Variants in LARP4 observed in about 807,000 individuals in gnomAD.
The protein encoded by LARP4 is La ribonucleoprotein 4, also known as la-related protein 4.
In LARP4, 29 loss-of-function variants were observed where a neutral mutation model predicts 92.9. The ratio of observed to expected loss-of-function variants is 0.31; its 90% CI spans 0.23 to 0.43. The LOEUF (loss-of-function observed/expected upper bound fraction) is 0.43, where lower values mean the gene tolerates loss of function less well. Ranked by LOEUF, LARP4 falls within the 20% of genes least tolerant of loss-of-function variation. The pLI is 1.00. For missense variants in LARP4, 732 were observed against 860.0 expected, an observed-to-expected ratio of 0.85 and a Z score of 1.86; for synonymous variants, 279 against 284.1, an observed-to-expected ratio of 0.98 and a Z score of 0.18.
Position 50,440,495 on chromosome 12 carries a change from T to G in LARP4, c.696T>G (p.Phe232Leu), listed in dbSNP as rs994204824. The G allele has an allele frequency of 2.5e-6, 4 of 1,614,060 alleles. No individual in the cohort carries two copies. Among genetic ancestry groups the G allele is most frequent in the Middle Eastern group, 1.6e-4 (1 of 6,062 alleles). The change falls in exon 7 of 16, where the codon TTT (phenylalanine) becomes TTG (leucine). Residue 232 changes from phenylalanine (F) to leucine (L), a missense_variant. Around this residue, in one of 7 missense-constraint regions of LARP4, gnomAD observed 236 missense variants for 307.6 expected, o/e 0.77. Coordinates refer to ENST00000398473, the MANE Select transcript of LARP4 (RefSeq NM_052879.5). Reference protein sequence around the residue: ...ENCPKVISCEFAHNSNWYITF... With the variant: ...ENCPKVISCELAHNSNWYITF... ...GCCCCAAAGTGATAAGCTGTGAGTT[T>G]GCACACAATAGCAACTGGTATATCA...
chr12:50,413,856 TAC>T (rs1946327027), intron 1 of LARP4, among the ~76,000 whole-genome samples: 1 of 152,366 alleles, frequency 6.6e-6, no homozygotes, highest in African/African-American at 2.4e-5. Flanking sequence ...CTCAGATTTT[TAC>T]AGTTTTCCCT....
chr12:50,440,121 A>G (rs755337087), intron 6 of LARP4, among the ~76,000 whole-genome samples: 2 of 152,222 alleles, frequency 1.3e-5, no homozygotes, highest in African/African-American at 2.4e-5. Flanking sequence ...TGTAAAATAA[A>G]TCATCCCAAA....
chr12:50,412,431 T>A, intron 1 of LARP4: 1 of 975,306 alleles, frequency 1.0e-6, no homozygotes, highest in Non-Finnish European at 1.2e-6. Context: ...TGGCATGGGA[T>A]TTCTGTTTCT....
Position 50,453,599 on chromosome 12 carries a change from A to G in LARP4, c.944A>G (p.Gln315Arg), listed in dbSNP as rs762110345. ...ATGCAGCCTGTATATAATCCTCACC[A>G]ACAGTACTCGGTCTATAGTATTGTG... ...VFMQPVYNPH[Q>R]QYSVYSIVPQ... The change falls in exon 9 of 16, where the codon CAA (glutamine) becomes CGA (arginine). Residue 315 changes from glutamine to arginine, a missense_variant. By Grantham distance (43) the Gln-to-Arg change is conservative. Transcript: ENST00000398473. The G allele has an allele frequency of 2.5e-6, 4 of 1,613,710 alleles. No homozygotes were observed. In the South Asian group the frequency reaches 4.4e-5, roughly 18 times the overall value.
At chr12:50,427,649 T>C in intron 1 of LARP4, 113 bp from the exon 2 acceptor site, 1 of 496,798 alleles carries the variant, frequency 2.0e-6, no homozygotes, top group Non-Finnish European at 3.3e-6. Flanking sequence ...TTGTTAAATA[T>C]AATTATTGGG....
intron 1 of LARP4, 104 bp from the exon 2 acceptor site, chr12:50,427,649 TAATTATTGG>T: frequency 8.1e-6 from 4 of 496,798 alleles, no homozygotes; most frequent in Non-Finnish European, 3.3e-6. Flanking sequence ...TTGTTAAATA[TAATTATTGG>T]GTTTCTCCCC....
At chr12:50,430,671 T>A (rs74420141) in intron 4 of LARP4, 101 bp downstream of exon 4, 12 of 669,256 alleles carry the variant, frequency 1.8e-5, no homozygotes, top group East Asian at 6.0e-5. Context: ...TTTTTTTTTT[T>A]ATTTTCTTGA....
At chr12:50,423,793 C>T (rs1449822038) in intron 1 of LARP4, among the ~76,000 whole-genome samples, 1 of 150,822 alleles carries the variant, frequency 6.6e-6, no homozygotes, top group Non-Finnish European at 1.5e-5. Flanking sequence ...TTCTTGTCAC[C>T]CAGGCTGGGG....
chr12:50,462,809 A>G (rs76764307), intron 12 of LARP4, among the ~76,000 whole-genome samples, 179 bp downstream of exon 12: 1 of 152,274 alleles, frequency 6.6e-6, no homozygotes, highest in East Asian at 1.9e-4. Context: ...CCCACCCTCT[A>G]GCACACATGT....
intron 2 of LARP4, 65 bp downstream of exon 2, chr12:50,427,974 C>T: frequency 1.2e-6 from 1 of 839,058 alleles, no homozygotes; most frequent in Non-Finnish European, 1.8e-6. Context: ...AGCAAGTTTA[C>T]TGAACTTGAG....
intron 7 of LARP4, 145 bp downstream of exon 7, chr12:50,440,694 G>A (rs1951073086): frequency 1.8e-6 from 1 of 569,070 alleles, no homozygotes; most frequent in Non-Finnish European, 3.2e-6. Flanking sequence ...TGCTCAATTG[G>A]TTTCCTTTTT....
At chr12:50,423,068 C>T (rs1948106372) in intron 1 of LARP4, among the ~76,000 whole-genome samples, 1 of 152,058 alleles carries the variant, frequency 6.6e-6, no homozygotes, top group Admixed American at 6.5e-5. Context: ...GATCCACCCG[C>T]CTCAGCCTCC....
At chr12:50,474,320 C>T (rs931394939) in intron 15 of LARP4, among the ~76,000 whole-genome samples, 153 bp downstream of exon 15, 4 of 151,600 alleles carry the variant, frequency 2.6e-5, no homozygotes, top group African/African-American at 9.7e-5. Flanking sequence ...GTTAGGGTCA[C>T]TGCAAAGAGA....
At chr12:50,437,655 A>G in intron 5 of LARP4, 80 bp from the exon 6 acceptor site, 1 of 771,318 alleles carries the variant, frequency 1.3e-6, no homozygotes, top group Admixed American at 2.5e-5. Flanking sequence ...GTTGGAAATT[A>G]AAATGAATAG....
chr12:50,454,349 T>A lies in LARP4; in HGVS notation c.1053T>A (p.Phe351Leu), dbSNP rs17124706. ...PFPNGSFVNG[F>L]NSPGSYKTNA... Reference sequence around the variant, plus strand: ...CCAATGGTAGTTTTGTGAATGGCTTTAATTCGCCAGGATCTTATAAAACAA... The same window carrying A: ...CCAATGGTAGTTTTGTGAATGGCTTAAATTCGCCAGGATCTTATAAAACAA... Residue 351 changes from phenylalanine to leucine, a missense_variant, in exon 10 of 16, where the codon TTT becomes TTA. Phe to Leu is a conservative substitution (Grantham distance 22). Coordinates refer to ENST00000398473, the MANE Select transcript of LARP4 (RefSeq NM_052879.5). 69,530 of 1,613,166 alleles carry A rather than the reference T, an allele frequency of 0.043. 1,787 individuals are homozygous for A. Among genetic ancestry groups the A allele is most frequent in the Middle Eastern group, 0.098 (591 of 6,052 alleles).
intron 13 of LARP4, among the ~76,000 whole-genome samples, chr12:50,470,018 G>A (rs140659455): frequency 9.9e-4 from 150 of 151,854 alleles, no homozygotes; most frequent in African/African-American, 3.5e-3. Context: ...CCAGGAGTTC[G>A]AGACCAATGT....
chr12:50,444,992 C>T (rs1462072143), intron 8 of LARP4, among the ~76,000 whole-genome samples: 2 of 152,106 alleles, frequency 1.3e-5, no homozygotes, highest in Admixed American at 6.6e-5. Context: ...TCATTGCAGC[C>T]TCCTCTTGCC....
chr12:50,430,755 G>T (rs1352410180), intron 4 of LARP4, among the ~76,000 whole-genome samples, 185 bp downstream of exon 4: 1 of 151,962 alleles, frequency 6.6e-6, no homozygotes, highest in Admixed American at 6.6e-5. Context: ...CCGCCTCCAG[G>T]GTTCAAGAGA....
intron 9 of LARP4, 43 bp from the exon 10 acceptor site, chr12:50,454,271 T>TA: frequency 1.4e-6 from 2 of 1,470,126 alleles, no homozygotes; most frequent in South Asian, 2.4e-5. Flanking sequence ...CACCAGATTT[T>TA]ACCTTTGCCA....
Sources: gnomAD v4.1 joint callset for allele counts (sites outside exome capture counted in the v4.1 genomes callset) on GRCh38, gnomAD v4.1.1 for gene constraint, gnomAD v4.1.1 regional missense constraint, MANE v1.5 for transcripts, NCBI Gene and HGNC (gene_info 2026-07-23, HGNC 2026-07-21) for gene names.